The following CHN2 variants were observed in gnomAD, a reference collection of about 807,000 sequenced individuals.
The protein encoded by CHN2 is chimerin 2.
Under a neutral mutation model 56.3 loss-of-function variants are expected in CHN2, and 35 were observed. The ratio of observed to expected loss-of-function variants is 0.62; its 90% CI spans 0.47 to 0.82. CHN2 has a LOEUF of 0.82. Ranked by LOEUF, CHN2 falls within the 40% of genes least tolerant of loss-of-function variation. The pLI is 0.00. For synonymous variants in CHN2, 210 were observed against 212.8 expected (o/e 0.99, Z 0.12); for missense variants, 491 against 580.5 (o/e 0.85, Z 1.58).
chr7:29,226,965 C>T (rs1181119095), intron 1 of CHN2, among the ~76,000 whole-genome samples: 1 of 152,208 alleles, frequency 6.6e-6, no homozygotes, highest in Admixed American at 6.5e-5. Context: ...TGAATACACA[C>T]ACACAGTTCC....
intron 1 of CHN2, among the ~76,000 whole-genome samples, chr7:29,250,546 C>A (rs1391983750): frequency 6.6e-6 from 1 of 152,106 alleles, no homozygotes; most frequent in Non-Finnish European, 1.5e-5. Context: ...AACATGACTC[C>A]TTAAATAATA....
At chr7:29,219,432 G>A (rs1367216414) in intron 1 of CHN2, among the ~76,000 whole-genome samples, 1 of 152,052 alleles carries the variant, frequency 6.6e-6, no homozygotes, top group South Asian at 2.1e-4. Flanking sequence ...AGAAATACAG[G>A]AACAAAGAAT....
intron 2 of CHN2, among the ~76,000 whole-genome samples, chr7:29,362,798 C>T (rs1315887008): frequency 6.6e-6 from 1 of 152,212 alleles, no homozygotes; most frequent in African/African-American, 2.4e-5. Context: ...CCTCCTCTTC[C>T]CCTATTAAAG....
intron 1 of CHN2, among the ~76,000 whole-genome samples, chr7:29,313,092 A>G (rs1023773975): frequency 4.6e-5 from 7 of 152,056 alleles, no homozygotes; most frequent in African/African-American, 1.7e-4. Flanking sequence ...TCTTCCAAAC[A>G]TTGTCAGTAT....
rs1420735441 is a variant in CHN2 at position 29,471,460 on chromosome 7, C to T, written c.577-8819C>T. 3.3e-5 allele frequency among the ~76,000 whole-genome samples: 5 copies of T among 152,172 alleles called. No homozygotes were observed. In the South Asian group the frequency reaches 6.2e-4, roughly 19 times the overall value. On this transcript the variant is annotated intron_variant, in intron 6 of 12. Transcript: ENST00000222792. Reference sequence around the variant, plus strand: ...GAAGGACAGCAACTGTAGCATTGCACGATCAGCCAACCCAGGAAGCATCAG... The same window carrying T: ...GAAGGACAGCAACTGTAGCATTGCATGATCAGCCAACCCAGGAAGCATCAG...
intron 6 of CHN2, among the ~76,000 whole-genome samples, chr7:29,472,301 A>G (rs77547783): frequency 9.5e-5 from 14 of 146,902 alleles, no homozygotes; most frequent in Admixed American, 8.7e-4. Context: ...ACACACACGC[A>G]CACACACACA....
chr7:29,468,551 A>C (rs1785763490), intron 6 of CHN2, among the ~76,000 whole-genome samples: 1 of 152,098 alleles, frequency 6.6e-6, no homozygotes, highest in African/African-American at 2.4e-5. Flanking sequence ...TCTTAAAAGG[A>C]GAAACAAGCC....
At chr7:29,309,440 C>T (rs2128884591) in intron 1 of CHN2, among the ~76,000 whole-genome samples, 1 of 152,342 alleles carries the variant, frequency 6.6e-6, no homozygotes, top group Non-Finnish European at 1.5e-5. Context: ...TTTGGCTCCT[C>T]TCCTCCTACC....
intron 6 of CHN2, among the ~76,000 whole-genome samples, chr7:29,401,648 C>T (rs1467458712): frequency 1.3e-5 from 2 of 152,134 alleles, no homozygotes; most frequent in Non-Finnish European, 2.9e-5. Context: ...GATATGGGAA[C>T]GTGGCTATCT....
chr7:29,380,681 C>T (rs1243525883), intron 3 of CHN2: 1 of 152,182 alleles, frequency 6.6e-6, no homozygotes, highest in Non-Finnish European at 1.5e-5. Context: ...AATTTACTAA[C>T]AAGAGTGAGG....
chr7:29,321,686 T>C lies in CHN2; in HGVS notation c.50-32939T>C, dbSNP rs566124040. Among the ~76,000 whole-genome samples the C allele has an allele frequency of 2.5e-4, 37 of 150,218 alleles. No homozygotes were observed. In the Admixed American group the frequency reaches 2.5e-3, roughly 10 times the overall value. ...CCCGCGTTCAAGTAATTCTCCTGCC[T>C]CAGCCTCCGGAGTAGCTGGGATTAC... On this transcript the variant is annotated intron_variant, in intron 1 of 12. Transcript: ENST00000222792.
intron 1 of CHN2, among the ~76,000 whole-genome samples, chr7:29,320,502 C>A (rs572467002): frequency 1.3e-5 from 2 of 152,126 alleles, no homozygotes; most frequent in Admixed American, 6.5e-5. Context: ...ATAAAAAATT[C>A]TCTTTATGGA....
chr7:29,184,467 G>C (rs1304973837), intron 2 of CHN2: 1 of 152,134 alleles, frequency 6.6e-6, no homozygotes, highest in Admixed American at 6.5e-5. Context: ...TGGCATGTAA[G>C]AGACCCAGGA....
intron 6 of CHN2, 117 bp from the exon 7 acceptor site, chr7:29,480,162 C>T (rs764372418): frequency 1.4e-5 from 23 of 1,592,108 alleles, no homozygotes; most frequent in South Asian, 5.7e-5. Context: ...TGCTGTGGTT[C>T]GGAAGTCTAA....
intron 1 of CHN2, among the ~76,000 whole-genome samples, chr7:29,277,821 G>A (rs1791359083): frequency 6.6e-6 from 1 of 152,086 alleles, no homozygotes; most frequent in African/African-American, 2.4e-5. Flanking sequence ...CCAACTCTCC[G>A]CCACTACCTC....
At chr7:29,286,476 G>T (rs962256659) in intron 1 of CHN2, among the ~76,000 whole-genome samples, 4 of 152,120 alleles carry the variant, frequency 2.6e-5, no homozygotes, top group South Asian at 2.1e-4. Flanking sequence ...AAGGGACAAG[G>T]CTGTGTTTAC....
Position 29,437,316 on chromosome 7 carries a change from C to T in CHN2, c.576+36488C>T, listed in dbSNP as rs1413112922. On this transcript the variant is annotated intron_variant, in intron 6 of 12. Transcript: ENST00000222792. ...TCTCAGCATTTAAGATATCTAAAAC[C>T]GGCTGGGCGCGGTGGCTCACGCCTG... Among the ~76,000 whole-genome samples, 3 of 137,782 alleles carry T rather than the reference C, an allele frequency of 2.2e-5. 1 individual carries two copies. The highest frequency in any genetic ancestry group is 6.1e-5 in the African/African-American group (2 of 32,862). The allele number at this position is 137,782 out of a possible 152,430, so 90.4% of individuals were successfully genotyped here.
At chr7:29,438,496 G>T (rs932073793) in intron 6 of CHN2, among the ~76,000 whole-genome samples, 2 of 151,938 alleles carry the variant, frequency 1.3e-5, no homozygotes, top group African/African-American at 4.8e-5. Flanking sequence ...ATGGTTAGAT[G>T]TTTAAGTTCA....
chr7:29,440,684 CAAAAAAAAA>C (rs556692737), intron 6 of CHN2, among the ~76,000 whole-genome samples: 70 of 45,654 alleles, frequency 1.5e-3, no homozygotes, highest in African/African-American at 3.4e-3. Flanking sequence ...GACTCCGTCT[CAAAAAAAAA>C]AAAAAAAAAA....
Sources: allele counts gnomAD v4.1 joint callset (sites outside exome capture counted in the v4.1 genomes callset), GRCh38; gene constraint gnomAD v4.1.1; transcripts MANE v1.5; gene names NCBI Gene and HGNC (gene_info 2026-07-23, HGNC 2026-07-21).